FLG2: variants seen among roughly 807,000 people sequenced by gnomAD.
FLG2 encodes filaggrin-2.
FLG2 carries 7 observed loss-of-function variants against 3.9 expected under a neutral mutation model. That is an observed-to-expected ratio of 1.79 (90% CI 1.02 to 3.36). The LOEUF is 3.36. Among genes scored for constraint, FLG2 ranks in the 30% most tolerant of loss-of-function variants. The pLI is 0.00. For missense variants in FLG2, 2,700 were observed against 2,809.4 expected (o/e 0.96, Z 0.88); for synonymous variants, 1,031 against 1,056.1 (o/e 0.98, Z 0.46).
chr1:152,354,931 C>A lies in FLG2; in HGVS notation c.2855G>T (p.Arg952Met). The A allele has an allele frequency of 1.2e-6, 2 of 1,613,394 alleles. No individual in the cohort carries two copies. The highest frequency in any genetic ancestry group is 2.2e-5 in the South Asian group (2 of 91,040). The change falls in exon 3 of 3, where the codon AGG becomes ATG. Residue 952 changes from arginine to methionine, a missense_variant. Arg to Met is a moderately conservative substitution (Grantham distance 91). Coordinates refer to ENST00000388718, the MANE Select transcript of FLG2 (RefSeq NM_001014342.3). ...GCCAGAGGATTGACCTGAGCCTGAC[C>A]TGTGTTGTCCAAATCCAAAAGTCTG... ...SGQTFGFGQHRSGSGQSSGFG... is the reference protein window; with the variant it reads ...SGQTFGFGQHMSGSGQSSGFG...
Position 152,352,823 on chromosome 1 carries a change from C to T in FLG2, c.4963G>A (p.Glu1655Lys). The T allele has an allele frequency of 6.2e-7, 1 of 1,613,842 alleles. No homozygotes were observed. Among genetic ancestry groups the T allele is most frequent in the Non-Finnish European group, 8.5e-7 (1 of 1,179,956 alleles). The part of the protein sequence containing the change: ...TTGRQRSSHS[E>K]SSDSEVHSGV... ...GAGTGCACTTCACTGTCACTGGACTCACTGTGGCTAGATCTCTGTCTTCCA... is the reference window on the plus strand; with the variant it reads ...GAGTGCACTTCACTGTCACTGGACTTACTGTGGCTAGATCTCTGTCTTCCA... The change falls in exon 3 of 3, where the codon GAG becomes AAG. Residue 1655 changes from glutamate (E) to lysine (K), a missense_variant. Transcript: ENST00000388718.
At chr1:152,359,895 A>G (rs1654384523) in intron 1 of FLG2, 61 bp downstream of exon 1, 1 of 152,244 alleles carries the variant, frequency 6.6e-6, no homozygotes, top group Non-Finnish European at 1.5e-5. Flanking sequence ...TTATATCCCT[A>G]GACTTCTACT....
Position 152,351,133 on chromosome 1 carries a change from C to G in FLG2, c.6653G>C (p.Arg2218Thr). The change falls in exon 3 of 3, where the codon AGA becomes ACA. Residue 2218 changes from arginine (R) to threonine (T), a missense_variant. Transcript: ENST00000388718. The stretch of plus-strand genomic sequence containing the variant: ...TGTCTGTCCATGAGTAGTTCCCTGT[C>G]TCCCATGACCTGAGGATCCTGACTG... The part of the protein sequence containing the change: ...HGQSGSSGHG[R>T]QGTTHGQTGD... The G allele has an allele frequency of 1.2e-6, 2 of 1,613,894 alleles. No homozygotes were observed. Among genetic ancestry groups the G allele is most frequent in the Non-Finnish European group, 1.7e-6 (2 of 1,179,992 alleles).
chr1:152,353,808 A>G lies in FLG2; in HGVS notation c.3978T>C (p.His1326=), dbSNP rs759872334. The part of the protein sequence containing the change: ...GQRGDTTRHG[H]SGHGQSTQTG... The stretch of plus-strand genomic sequence containing the variant: ...TCTGTGTAGACTGTCCATGACCAGA[A>G]TGGCCATGTCTAGTGGTATCTCCTC... The change falls in exon 3 of 3, where the codon CAT becomes CAC. Residue 1326 remains histidine, a synonymous_variant. Coordinates refer to ENST00000388718, the MANE Select transcript of FLG2 (RefSeq NM_001014342.3). The G allele has an allele frequency of 6.2e-7, 1 of 1,610,654 alleles. No individual in the cohort carries two copies. The highest frequency in any genetic ancestry group is 1.1e-5 in the South Asian group (1 of 90,924).
At chr1:152,357,688 A>G in intron 2 of FLG2, 41 bp from the exon 3 acceptor site, 1 of 1,417,510 alleles carries the variant, frequency 7.1e-7, no homozygotes, top group East Asian at 2.3e-5. Context: ...TGGTCAGCCT[A>G]ACCTGCATAC....
chr1:152,352,664 A>C lies in FLG2; in HGVS notation c.5122T>G (p.Tyr1708Asp). The stretch of plus-strand genomic sequence containing the variant: ...GTCTGTGTGGTTAATCCATGATGAT[A>C]GTGGGCATGTCTAGTGGTATCTCCT... ...QTGDTTRHAH[Y>D]HHGLTTQTGS... Residue 1708 changes from tyrosine (Y) to aspartate (D), a missense_variant, in exon 3 of 3, where the codon TAT (tyrosine) becomes GAT (aspartate). Transcript: ENST00000388718. 1 of 1,613,328 alleles carries C rather than the reference A, an allele frequency of 6.2e-7. No individual in the cohort carries two copies. The highest frequency in any genetic ancestry group is 8.5e-7 in the Non-Finnish European group (1 of 1,179,826).
At position 152,351,291 on chromosome 1, in the gene FLG2, G is replaced by A. The variant is rs1259232599; in HGVS notation, c.6495C>T (p.Ser2165=). The change falls in exon 3 of 3, where the codon TCC becomes TCT. Residue 2165 remains serine (S), a synonymous_variant. Transcript: ENST00000388718. The part of the protein sequence containing the change: ...TRHGQSGHGQ[S]TQTGSRTTGR... Reference sequence around the variant, plus strand: ...CAGTTGTCCTGGAACCTGTCTGTGTGGACTGTCCATGACCAGACTGGCCAT... The same window carrying A: ...CAGTTGTCCTGGAACCTGTCTGTGTAGACTGTCCATGACCAGACTGGCCAT... The A allele has an allele frequency of 8.7e-6, 14 of 1,613,768 alleles. No homozygotes were observed. The highest frequency in any genetic ancestry group is 1.2e-5 in the Non-Finnish European group (14 of 1,179,964).
At position 152,356,270 on chromosome 1, in the gene FLG2, C is replaced by T. The variant is rs758401127; in HGVS notation, c.1516G>A (p.Gly506Arg). 13 of 1,613,900 alleles carry T rather than the reference C, an allele frequency of 8.1e-6. No individual in the cohort carries two copies. In the South Asian group the frequency reaches 1.4e-4, roughly 18 times the overall value. Residue 506 changes from glycine to arginine, a missense_variant, in exon 3 of 3, where the codon GGA (glycine) becomes AGA (arginine). Gly to Arg is a moderately radical substitution (Grantham distance 125, BLOSUM62 -2). Coordinates refer to ENST00000388718, the MANE Select transcript of FLG2 (RefSeq NM_001014342.3). ...TGTCCTGAGACAGACCCATGCTGTC[C>T]AAAGCCAGAGGACTGACCTGAGCCT... is the stretch of plus-strand genomic sequence containing the variant. ...GSGSGQSSGF[G>R]QHGSVSGQSS...
chr1:152,357,054 C>G lies in FLG2; in HGVS notation c.732G>C (p.Leu244Phe), dbSNP rs147204956. The change falls in exon 3 of 3, where the codon TTG (leucine) becomes TTC (phenylalanine). Residue 244 changes from leucine (L) to phenylalanine (F), a missense_variant. Leu to Phe is a conservative substitution (Grantham distance 22, BLOSUM62 0). Coordinates refer to ENST00000388718, the MANE Select transcript of FLG2 (RefSeq NM_001014342.3). ...RKGHGGLSCG[L>F]ETSGHESNST... The stretch of plus-strand genomic sequence containing the variant: ...AGTTTGATTCATGCCCACTAGTCTC[C>G]AATCCACATGACAGACCACCATGAC... 422 of 1,614,068 alleles carry G rather than the reference C, an allele frequency of 2.6e-4. No individual in the cohort carries two copies. The highest frequency in any genetic ancestry group is 3.2e-4 in the Non-Finnish European group (374 of 1,180,042).
In FLG2 at chr1:152,354,974, G is replaced by A. The variant is rs1242848336; in HGVS notation, c.2812C>T (p.His938Tyr). Reference protein sequence around the residue: ...GSSQSSGYGQHGSSSGQTFGF... With the variant: ...GSSQSSGYGQYGSSSGQTFGF... ...AAAGTCTGTCCTGAACTTGACCCATGTTGACCATAGCCAGATGACTGACTT... is the reference window on the plus strand; with the variant it reads ...AAAGTCTGTCCTGAACTTGACCCATATTGACCATAGCCAGATGACTGACTT... The change falls in exon 3 of 3, where the codon CAT becomes TAT. Residue 938 changes from histidine to tyrosine, a missense_variant. Coordinates refer to ENST00000388718, the MANE Select transcript of FLG2 (RefSeq NM_001014342.3). 6.3e-7 allele frequency: 1 copy of A among 1,590,758 alleles called. No homozygotes were observed. Among genetic ancestry groups the A allele is most frequent in the Non-Finnish European group, 8.5e-7 (1 of 1,170,744 alleles).
In FLG2 at chr1:152,351,755, C is replaced by A. The variant is rs1344114893; in HGVS notation, c.6031G>T (p.Gly2011Cys). The A allele has an allele frequency of 6.2e-7, 1 of 1,603,836 alleles. No individual in the cohort carries two copies. The highest frequency in any genetic ancestry group is 1.7e-5 in the Admixed American group (1 of 58,778). ...TADTTRHGHS[G>C]HGQSTQRGSR... The stretch of plus-strand genomic sequence containing the variant: ...CCTCTCTGTGTGGACTGTCCATGAC[C>A]AGAGTGGCCATGTCTAGTGGTATCT... The change falls in exon 3 of 3, where the codon GGT (glycine) becomes TGT (cysteine). Residue 2011 changes from glycine (G) to cysteine (C), a missense_variant. Coordinates refer to ENST00000388718, the MANE Select transcript of FLG2 (RefSeq NM_001014342.3).
At position 152,353,784 on chromosome 1, in the gene FLG2, C is replaced by T. The variant is rs776491087; in HGVS notation, c.4002G>A (p.Gln1334=). ...GTCTTCCAGATGTTCTGGAACCTGT[C>T]TGTGTAGACTGTCCATGACCAGAAT... is the stretch of plus-strand genomic sequence containing the variant. ...HGHSGHGQST[Q]TGSRTSGRQR... is the part of the protein sequence containing the mutation. Residue 1334 remains glutamine (Q), a synonymous_variant, in exon 3 of 3, where the codon CAG becomes CAA. Transcript: ENST00000388718. 7.4e-6 allele frequency: 12 copies of T among 1,614,010 alleles called. No individual in the cohort carries two copies. In the African/African-American group the frequency reaches 1.2e-4, roughly 16 times the overall value.
rs1434187449 is a variant in FLG2 at position 152,352,410 on chromosome 1, C to T, written c.5376G>A (p.Gly1792=). ...ATGACCTTCTTCCAGTGGTCCTGGA[C>T]CCTGTCTGTGTGGACTGTCCATGAC... The part of the protein sequence containing the change: ...HSGHGQSTQT[G]SRTTGRRSSG... Residue 1792 remains glycine, a synonymous_variant, in exon 3 of 3, where the codon GGG becomes GGA. Transcript: ENST00000388718. 2 of 1,612,140 alleles carry T rather than the reference C, an allele frequency of 1.2e-6. No individual in the cohort carries two copies. Among genetic ancestry groups the T allele is most frequent in the South Asian group, 1.1e-5 (1 of 90,930 alleles).
At position 152,350,466 on chromosome 1, in the gene FLG2, A is replaced by T. The variant is rs1653864084; in HGVS notation, c.*144T>A. The T allele has an allele frequency of 3.7e-6, 4 of 1,088,310 alleles. No homozygotes were observed. The highest frequency in any genetic ancestry group is 5.2e-5 in the East Asian group (2 of 38,706). 67.4% of individuals were successfully genotyped at this position (1,088,310 alleles called of 1,614,324 possible). The stretch of plus-strand genomic sequence containing the variant: ...TAGAATGTCCATGACTAGATTCCTG[A>T]CTTCTTATAATAATAGGTCGAGACT... On this transcript the variant is annotated 3_prime_UTR_variant, in exon 3 of 3. Transcript: ENST00000388718.
At chr1:152,358,233 G>A (rs1654321665) in intron 2 of FLG2, among the ~76,000 whole-genome samples, 1 of 152,072 alleles carries the variant, frequency 6.6e-6, no homozygotes, top group Admixed American at 6.6e-5. Context: ...GTATTAGCCA[G>A]GATGGTCTTG....
rs764889067 is a variant in FLG2 at position 152,351,338 on chromosome 1, G to A, written c.6448C>T (p.Gln2150Ter). The stretch of plus-strand genomic sequence containing the variant: ...CCATGTCTAGTGGTATCTCCTGTCT[G>A]TCCATGTATAGTTCCCTGTCTCCCG... ...IHGRQGTIHG[Q>*]TGDTTRHGQS... Residue 2150 changes from glutamine to a stop codon, truncating the protein, a stop_gained, in exon 3 of 3, where the codon CAG becomes TAG. Transcript: ENST00000388718. LOFTEE classifies it low-confidence loss of function (END_TRUNC). 4 of 1,613,974 alleles carry A rather than the reference G, an allele frequency of 2.5e-6. No individual in the cohort carries two copies. In the East Asian group the frequency reaches 6.7e-5, roughly 27 times the overall value.
chr1:152,354,625 T>G lies in FLG2; in HGVS notation c.3161A>C (p.His1054Pro), dbSNP rs1557897869. 1 of 1,614,018 alleles carries G rather than the reference T, an allele frequency of 6.2e-7. No individual in the cohort carries two copies. Among genetic ancestry groups the G allele is most frequent in the African/African-American group, 1.3e-5 (1 of 74,988 alleles). Reference protein sequence around the residue: ...GSDQSSGFGQHGTGSGQSSGF... With the variant: ...GSDQSSGFGQPGTGSGQSSGF... The stretch of plus-strand genomic sequence containing the variant: ...AGAGGATTGTCCTGAACCAGTCCCA[T>G]GTTGTCCAAAGCCAGAGGACTGATC... The change falls in exon 3 of 3, where the codon CAT becomes CCT. Residue 1054 changes from histidine to proline, a missense_variant. By Grantham distance (77) the His-to-Pro change is moderately conservative. Coordinates refer to ENST00000388718, the MANE Select transcript of FLG2 (RefSeq NM_001014342.3).
Position 152,353,048 on chromosome 1 carries a change from T to C in FLG2, c.4738A>G (p.Thr1580Ala). 1 of 1,613,556 alleles carries C rather than the reference T, an allele frequency of 6.2e-7. No homozygotes were observed. The highest frequency in any genetic ancestry group is 8.5e-7 in the Non-Finnish European group (1 of 1,179,862). Residue 1580 changes from threonine (T) to alanine (A), a missense_variant, in exon 3 of 3, where the codon ACT becomes GCT. Thr to Ala is a moderately conservative substitution (Grantham distance 58). Coordinates refer to ENST00000388718, the MANE Select transcript of FLG2 (RefSeq NM_001014342.3). Reference protein sequence around the residue: ...GRQRTSHSESTDSEVHSGGSH... With the variant: ...GRQRTSHSESADSEVHSGGSH... ...CCCCCTGAGTGCACTTCACTGTCAGTGGACTCACTGTGGCTAGTTCTCTGT... is the reference window on the plus strand; with the variant it reads ...CCCCCTGAGTGCACTTCACTGTCAGCGGACTCACTGTGGCTAGTTCTCTGT...
At position 152,352,404 on chromosome 1, in the gene FLG2, C is replaced by T. The variant is rs373836847; in HGVS notation, c.5382G>A (p.Arg1794=). 3.1e-6 allele frequency: 5 copies of T among 1,612,684 alleles called. No homozygotes were observed. Among genetic ancestry groups the T allele is most frequent in the African/African-American group, 2.7e-5 (2 of 74,382 alleles). ...GGCCAGATGACCTTCTTCCAGTGGT[C>T]CTGGACCCTGTCTGTGTGGACTGTC... The part of the protein sequence containing the change: ...GHGQSTQTGS[R]TTGRRSSGHS... Residue 1794 remains arginine (R), a synonymous_variant, in exon 3 of 3, where the codon AGG becomes AGA. Transcript: ENST00000388718.
Sources: gnomAD v4.1 joint callset for allele counts (sites outside exome capture counted in the v4.1 genomes callset) on GRCh38, gnomAD v4.1.1 for gene constraint, MANE v1.5 for transcripts, NCBI Gene and HGNC (gene_info 2026-07-23, HGNC 2026-07-21) for gene names.